FARP1: variants seen among roughly 807,000 people sequenced by gnomAD.
FARP1 encodes the protein FERM, ARH/RhoGEF and pleckstrin domain protein 1.
A neutral mutation model predicts 128.8 loss-of-function variants in FARP1; 52 were observed. The ratio of observed to expected loss-of-function variants is 0.40; its 90% CI spans 0.32 to 0.51. FARP1 has a LOEUF of 0.51. Ranked by LOEUF, FARP1 falls within the 20% of genes least tolerant of loss-of-function variation. FARP1 has a pLI of 0.45. For missense variants in FARP1, 1,333 were observed against 1,367.9 expected (o/e 0.97, Z 0.40); for synonymous variants, 580 against 551.8 (o/e 1.05, Z -0.72).
chr13:98,402,126 G>A (rs1890798440), intron 13 of FARP1: 1 of 152,276 alleles, frequency 6.6e-6, no homozygotes, highest in African/African-American at 2.4e-5. Context: ...TAACTCTACA[G>A]GGCCGGCGCC....
chr13:98,321,527 A>G (rs1331955936), intron 2 of FARP1, among the ~76,000 whole-genome samples: 1 of 152,242 alleles, frequency 6.6e-6, no homozygotes. Context: ...AGACTGCTAG[A>G]TTTATGGCCA....
intron 2 of FARP1, among the ~76,000 whole-genome samples, chr13:98,330,150 C>T (rs1396208931): frequency 2.0e-5 from 3 of 152,040 alleles, no homozygotes; most frequent in African/African-American, 7.2e-5. Context: ...GTGTGTGCCT[C>T]GTGTGCTAGA....
In FARP1 at chr13:98,385,748, G is replaced by A. The variant is rs1160916708; in HGVS notation, c.693G>A (p.Pro231=). The change falls in exon 8 of 27, where the codon CCG becomes CCA. Residue 231 remains proline, a synonymous_variant. Transcript: ENST00000319562. Reference sequence around the variant, plus strand: ...AGATGTATGGAATCCGGTTGCACCCGGCCAAGGACAGGGAAGGCACGAAGA... The same window carrying A: ...AGATGTATGGAATCCGGTTGCACCCAGCCAAGGACAGGGAAGGCACGAAGA... ...RLEMYGIRLH[P]AKDREGTKIN... is the part of the protein sequence containing the mutation. The A allele has an allele frequency of 3.6e-5, 58 of 1,614,198 alleles. No homozygotes were observed. Among genetic ancestry groups the A allele is most frequent in the East Asian group, 8.9e-5 (4 of 44,882 alleles).
Position 98,172,105 on chromosome 13 carries a change from C to A in FARP1, c.-24+28613C>A, listed in dbSNP as rs550898707. Among the ~76,000 whole-genome samples the A allele has an allele frequency of 2.9e-4, 44 of 152,072 alleles. No homozygotes were observed. The South Asian group carries it at 5.6e-3, about 19-fold the overall frequency. ...GCAGGGCCATGGAAATCCGGCCGTT[C>A]TTTATCTGTGCTCTGCTGTTTGTTG... On this transcript the variant is annotated intron_variant, in intron 1 of 26. Coordinates refer to ENST00000319562, the MANE Select transcript of FARP1 (RefSeq NM_005766.4).
chr13:98,220,437 G>A (rs1322003963), intron 2 of FARP1, among the ~76,000 whole-genome samples: 1 of 152,130 alleles, frequency 6.6e-6, no homozygotes, highest in Non-Finnish European at 1.5e-5. Context: ...AACTTAGCAT[G>A]TTCACCCAGC....
chr13:98,312,018 A>AT (rs1357878814), intron 2 of FARP1, among the ~76,000 whole-genome samples: 14 of 142,630 alleles, frequency 9.8e-5, no homozygotes, highest in Non-Finnish European at 1.8e-4. Flanking sequence ...TAATTTTTGT[A>AT]TTTTTTTAGG....
chr13:98,192,800 G>A (rs2139239960), intron 1 of FARP1, among the ~76,000 whole-genome samples: 1 of 152,308 alleles, frequency 6.6e-6, no homozygotes, highest in Middle Eastern at 3.4e-3. Flanking sequence ...GAAAAGTGAG[G>A]AAGCCAGAGA....
intron 1 of FARP1, among the ~76,000 whole-genome samples, chr13:98,159,772 A>G (rs1445244758): frequency 6.6e-6 from 1 of 152,078 alleles, no homozygotes; most frequent in African/African-American, 2.4e-5. Flanking sequence ...CGCCCAGCCT[A>G]CTTGTGATTT....
At chr13:98,179,163 T>C (rs1332362351) in intron 1 of FARP1, among the ~76,000 whole-genome samples, 2 of 151,938 alleles carry the variant, frequency 1.3e-5, no homozygotes, top group African/African-American at 2.4e-5. Context: ...GCTAGGGAGG[T>C]CTCACAATCC....
Position 98,381,981 on chromosome 13 carries a change from C to T in FARP1, c.497-2749C>T, listed in dbSNP as rs569175714. On this transcript the variant is annotated intron_variant, in intron 6 of 26. Transcript: ENST00000319562. ...CAGCCTAGGCAACATAGTGAGACCT[C>T]GTCTGTACAAAAACAAAATTAGCTT... Among the ~76,000 whole-genome samples, 135 of 151,772 alleles carry T rather than the reference C, an allele frequency of 8.9e-4. 4 individuals are homozygous for T. The highest frequency in any genetic ancestry group is 8.6e-3 in the Admixed American group (131 of 15,226).
At chr13:98,155,909 C>T (rs552763568) in intron 1 of FARP1, among the ~76,000 whole-genome samples, 1 of 152,258 alleles carries the variant, frequency 6.6e-6, no homozygotes, top group East Asian at 1.9e-4. Context: ...TAAGGGGAGG[C>T]AGTTACACAA....
intron 2 of FARP1, chr13:98,244,735 T>C (rs1260672208): frequency 6.2e-7 from 1 of 1,605,660 alleles, no homozygotes; most frequent in Admixed American, 1.7e-5. Context: ...CCTGTTTCAT[T>C]ATTTCATTCA....
intron 2 of FARP1, among the ~76,000 whole-genome samples, chr13:98,311,601 T>G (rs1886462766): frequency 6.6e-6 from 1 of 152,018 alleles, no homozygotes; most frequent in South Asian, 2.1e-4. Flanking sequence ...GTGCACACGT[T>G]GGGAAAGTGG....
At chr13:98,434,583 A>C (rs1434051045) in intron 18 of FARP1, 1 of 152,168 alleles carries the variant, frequency 6.6e-6, no homozygotes, top group Non-Finnish European at 1.5e-5. Flanking sequence ...TGGGGACTTG[A>C]GTGCCACCCA....
At chr13:98,179,646 C>T (rs555546724) in intron 1 of FARP1, among the ~76,000 whole-genome samples, 6 of 151,946 alleles carry the variant, frequency 3.9e-5, no homozygotes, top group African/African-American at 7.2e-5. Context: ...AGGTGGATCA[C>T]GAGGTCAGGA....
chr13:98,406,790 G>C (rs1566297737), intron 13 of FARP1: 1 of 152,316 alleles, frequency 6.6e-6, no homozygotes, highest in Non-Finnish European at 1.5e-5. Context: ...GGCGAGGCAG[G>C]CTCTCTTATG....
intron 1 of FARP1, among the ~76,000 whole-genome samples, chr13:98,189,323 G>A (rs999341324): frequency 2.7e-5 from 4 of 150,878 alleles, no homozygotes; most frequent in Non-Finnish European, 5.9e-5. Flanking sequence ...ATATATTTAA[G>A]GCCTTTAATT....
intron 3 of FARP1, among the ~76,000 whole-genome samples, chr13:98,349,438 G>A (rs545724383): frequency 1.7e-3 from 263 of 152,162 alleles, no homozygotes; most frequent in African/African-American, 6.1e-3. Flanking sequence ...TTGGGAGGCC[G>A]AGGCAGGCAG....
intron 18 of FARP1, 133 bp from the exon 19 acceptor site, chr13:98,435,443 T>A: frequency 1.2e-6 from 1 of 809,652 alleles, no homozygotes; most frequent in Non-Finnish European, 1.9e-6. Context: ...TAGCACTGTT[T>A]TTGCTCAAAA....
Sources: gnomAD v4.1 joint callset for allele counts (sites outside exome capture counted in the v4.1 genomes callset) on GRCh38, gnomAD v4.1.1 for gene constraint, MANE v1.5 for transcripts, NCBI Gene and HGNC (gene_info 2026-07-23, HGNC 2026-07-21) for gene names.